GALNT12: variants seen among roughly 807,000 people sequenced by gnomAD.
GALNT12 encodes UDP-GalNAc:polypeptide N-acetylgalactosaminyltransferase 12.
A neutral mutation model predicts 55.5 loss-of-function variants in GALNT12; 45 were observed. That is an observed-to-expected ratio of 0.81 (90% confidence interval 0.64 to 1.04). The LOEUF is 1.04. Ranked by LOEUF, GALNT12 falls within the 50% of genes least tolerant of loss-of-function variation. The pLI, the probability that GALNT12 is intolerant of heterozygous loss-of-function variation, is 0.00. For missense variants in GALNT12, 709 were observed against 754.8 expected (o/e 0.94, Z 0.71); for synonymous variants, 304 against 312.2 (o/e 0.97, Z 0.28).
intron 7 of GALNT12, 30 bp downstream of exon 7, chr9:98,840,163 C>G: frequency 6.2e-7 from 1 of 1,611,706 alleles, no homozygotes; most frequent in East Asian, 2.2e-5. Context: ...CCACGGCAGG[C>G]AGGGACTTCC....
intron 7 of GALNT12, among the ~76,000 whole-genome samples, chr9:98,843,492 C>A (rs1409898283): frequency 6.6e-6 from 1 of 151,910 alleles, no homozygotes; most frequent in Non-Finnish European, 1.5e-5. Context: ...CTGCAACCTC[C>A]GTCTTCTGGG....
intron 6 of GALNT12, among the ~76,000 whole-genome samples, chr9:98,837,410 G>A (rs1464677671): frequency 6.6e-6 from 1 of 152,174 alleles, no homozygotes; most frequent in African/African-American, 2.4e-5. Context: ...GGGAAATACA[G>A]GGTTAGGTTC....
At position 98,807,852 on chromosome 9, in the gene GALNT12, C is replaced by CCCCCGCGCA. The variant is rs1588436188; in HGVS notation, c.163_171dup (p.Thr55_Arg57dup). The stretch of plus-strand genomic sequence containing the variant: ...CGGGGCCGGGGCTGCCGAGCCGGGA[C>CCCCCGCGCA]CCCCGCGCACCCCGCGCCCCGGGCG... On this transcript the variant is annotated inframe_insertion, in exon 1 of 10. Coordinates refer to ENST00000375011, the MANE Select transcript of GALNT12 (RefSeq NM_024642.5). The CCCCCGCGCA allele has an allele frequency of 2.3e-5, 23 of 1,004,826 alleles. No individual in the cohort carries two copies. The highest frequency in any genetic ancestry group is 2.4e-5 in the Non-Finnish European group (20 of 844,450). 62.2% of individuals were successfully genotyped at this position (1,004,826 alleles called of 1,614,324 possible). A position where few individuals can be genotyped will look rare whatever the true frequency, so the allele number is the denominator to read the frequency against.
intron 6 of GALNT12, among the ~76,000 whole-genome samples, chr9:98,838,483 C>T (rs78217030): frequency 2.0e-5 from 3 of 152,222 alleles, no homozygotes; most frequent in South Asian, 2.1e-4. Flanking sequence ...CTGAGTCTGT[C>T]GGAGGCTGAG....
At chr9:98,836,172 A>G (rs184888708) in intron 5 of GALNT12, among the ~76,000 whole-genome samples, 12 of 152,218 alleles carry the variant, frequency 7.9e-5, no homozygotes, top group African/African-American at 2.9e-4. Context: ...TACTGATGCT[A>G]CTCTACATGG....
intron 1 of GALNT12, among the ~76,000 whole-genome samples, chr9:98,810,430 G>C (rs535699727): frequency 2.6e-4 from 40 of 152,176 alleles, no homozygotes; most frequent in African/African-American, 9.6e-4. Context: ...AATTATGAAA[G>C]CAATGCATAT....
chr9:98,807,813 G>A lies in GALNT12; in HGVS notation c.115G>A (p.Ala39Thr), dbSNP rs1835408650. ...ALAGLGSVLR[A>T]QRGAGAGAAE... ...GGCCGGGCTGGGCTCGGTGCTGCGG[G>A]CGCAGCGTGGGGCCGGGGCCGGGGC... Residue 39 changes from alanine to threonine, a missense_variant, in exon 1 of 10, where the codon GCG becomes ACG. Ala to Thr is a moderately conservative substitution (Grantham distance 58). Around this residue, in one of 5 missense-constraint regions of GALNT12, gnomAD observed 110 missense variants for 102.2 expected, o/e 1.08. Transcript: ENST00000375011. 3 of 1,063,178 alleles carry A rather than the reference G, an allele frequency of 2.8e-6. No homozygotes were observed. The highest frequency in any genetic ancestry group is 3.4e-6 in the Non-Finnish European group (3 of 883,984). The allele number at this position is 1,063,178 out of a possible 1,614,324, so 65.9% of individuals were successfully genotyped here.
intron 1 of GALNT12, among the ~76,000 whole-genome samples, chr9:98,820,669 G>A (rs1473322445): frequency 2.0e-5 from 3 of 152,082 alleles, no homozygotes; most frequent in Non-Finnish European, 4.4e-5. Flanking sequence ...TTGAGGAATC[G>A]CCACACTCTT....
rs1836161263 is a variant in GALNT12, at chr9:98,836,873, A to G, written c.1036-99A>G. The G allele has an allele frequency of 1.2e-5, 16 of 1,285,946 alleles. No individual in the cohort carries two copies. The South Asian group carries it at 1.9e-4, about 15-fold the overall frequency. The allele number at this position is 1,285,946 out of a possible 1,614,324, so 79.7% of individuals were successfully genotyped here. On this transcript the variant is annotated intron_variant, in intron 5 of 9. Coordinates refer to ENST00000375011, the MANE Select transcript of GALNT12 (RefSeq NM_024642.5). ...GAGGCTGAGCATCTTGGCAGTGTCC[A>G]TCATGCCTTGCGTGTGCCTGGCCTC... is the stretch of plus-strand genomic sequence containing the variant.
rs1304285593 is a variant in GALNT12, at chr9:98,844,969, G to A, written c.1458+760G>A. On this transcript the variant is annotated intron_variant, in intron 8 of 9. Transcript: ENST00000375011. Reference sequence around the variant, plus strand: ...AGTTATCAGACACCAGGAAACAAAGGGATAGAGATTCAGATGTTGTTTTTT... The same window carrying A: ...AGTTATCAGACACCAGGAAACAAAGAGATAGAGATTCAGATGTTGTTTTTT... 1.3e-4 allele frequency among the ~76,000 whole-genome samples: 20 copies of A among 152,118 alleles called. 1 individual carries two copies. Among genetic ancestry groups the A allele is most frequent in the Admixed American group, 1.3e-3 (20 of 15,272 alleles).
At chr9:98,826,132 G>C (rs944075689) in intron 2 of GALNT12, among the ~76,000 whole-genome samples, 2 of 152,150 alleles carry the variant, frequency 1.3e-5, no homozygotes, top group East Asian at 3.9e-4. Context: ...GTGACCTTGG[G>C]CAAGTTACTT....
At chr9:98,839,939 C>T in intron 6 of GALNT12, 63 bp from the exon 7 acceptor site, 1 of 1,607,242 alleles carries the variant, frequency 6.2e-7, no homozygotes, top group South Asian at 1.1e-5. Flanking sequence ...CATCAGTGAA[C>T]ACAGGGGCTT....
In GALNT12 at chr9:98,844,179, G is replaced by T. The variant is rs1249449878; in HGVS notation, c.1428G>T (p.Leu476=). 1.2e-6 allele frequency: 2 copies of T among 1,613,316 alleles called. No individual in the cohort carries two copies. The highest frequency in any genetic ancestry group is 3.3e-5 in the Admixed American group (2 of 60,032). ...ENQIVGHQVI[L]YLCHGMGQNQ... is the part of the protein sequence containing the mutation. Reference sequence around the variant, plus strand: ...AGATTGTGGGACACCAGGTCATTCTGTACCTCTGTCATGGGATGGGCCAGA... The same window carrying T: ...AGATTGTGGGACACCAGGTCATTCTTTACCTCTGTCATGGGATGGGCCAGA... Residue 476 remains leucine (L), a synonymous_variant, in exon 8 of 10, where the codon CTG becomes CTT. Coordinates refer to ENST00000375011, the MANE Select transcript of GALNT12 (RefSeq NM_024642.5).
chr9:98,823,451 A>T (rs955730120), intron 2 of GALNT12, 26 bp downstream of exon 2: 2 of 1,606,428 alleles, frequency 1.2e-6, no homozygotes, highest in African/African-American at 1.3e-5. Context: ...GGCTCTGGGA[A>T]GAGCCTGTCC....
At chr9:98,829,014 G>A (rs1835928009) in intron 3 of GALNT12, among the ~76,000 whole-genome samples, 1 of 152,036 alleles carries the variant, frequency 6.6e-6, no homozygotes, top group Admixed American at 6.6e-5. Flanking sequence ...ATTTTTAGTA[G>A]GGACAGAGTT....
At chr9:98,821,716 A>C (rs1835747374) in intron 1 of GALNT12, among the ~76,000 whole-genome samples, 1 of 151,990 alleles carries the variant, frequency 6.6e-6, no homozygotes, top group Non-Finnish European at 1.5e-5. Flanking sequence ...CTGACTTTTC[A>C]TGGGGTTCAT....
At chr9:98,834,559 G>A (rs1276952595) in intron 4 of GALNT12, among the ~76,000 whole-genome samples, 4 of 152,258 alleles carry the variant, frequency 2.6e-5, no homozygotes, top group Non-Finnish European at 2.9e-5. Context: ...GTGGTGGGTG[G>A]CGGGAAACAA....
intron 3 of GALNT12, 70 bp from the exon 4 acceptor site, chr9:98,831,702 G>A: frequency 6.4e-7 from 1 of 1,554,582 alleles, no homozygotes; most frequent in Non-Finnish European, 8.9e-7. Flanking sequence ...ATTCACCCTT[G>A]AATTTCCCAA....
chr9:98,846,887 A>G (rs1298437710), intron 9 of GALNT12, among the ~76,000 whole-genome samples: 1 of 151,348 alleles, frequency 6.6e-6, no homozygotes, highest in Non-Finnish European at 1.5e-5. Context: ...GTGCAATAAT[A>G]GCAGACTTAC....
Sources: allele counts gnomAD v4.1 joint callset (sites outside exome capture counted in the v4.1 genomes callset), GRCh38; gene constraint gnomAD v4.1.1; regional missense constraint gnomAD v4.1.1; transcripts MANE v1.5; gene names NCBI Gene and HGNC (gene_info 2026-07-23, HGNC 2026-07-21).